The following MOB3B variants were observed in gnomAD, a reference collection of about 807,000 sequenced individuals.
The protein encoded by MOB3B is MOB kinase activator-like 2B.
MOB3B carries 7 observed loss-of-function variants against 18.7 expected under a neutral mutation model. The ratio of observed to expected loss-of-function variants is 0.37; its 90% CI spans 0.21 to 0.70. The LOEUF (loss-of-function observed/expected upper bound fraction) is 0.70. MOB3B is among the 30% of genes least tolerant of loss of function. MOB3B has a pLI of 0.52. For missense variants in MOB3B, 253 were observed against 281.3 expected (o/e 0.90, Z 0.72); for synonymous variants, 111 against 99.9 (o/e 1.11, Z -0.66).
intron 3 of MOB3B, among the ~76,000 whole-genome samples, chr9:27,337,859 G>T (rs1177678949): frequency 6.6e-6 from 1 of 152,204 alleles, no homozygotes. Flanking sequence ...TGGTATTGTG[G>T]TAAGGCATTC....
At chr9:27,360,166 T>C (rs1028853864) in intron 2 of MOB3B, among the ~76,000 whole-genome samples, 3 of 152,278 alleles carry the variant, frequency 2.0e-5, no homozygotes, top group African/African-American at 7.2e-5. Context: ...AAATTGATAA[T>C]GTCCTCCCTT....
At chr9:27,432,699 G>C (rs892766287) in intron 2 of MOB3B, among the ~76,000 whole-genome samples, 4 of 152,104 alleles carry the variant, frequency 2.6e-5, no homozygotes, top group African/African-American at 9.7e-5. Context: ...AATAGTACTG[G>C]AAAAATGCAG....
intron 1 of MOB3B, among the ~76,000 whole-genome samples, chr9:27,463,451 A>G (rs2131458889): frequency 6.6e-6 from 1 of 152,186 alleles, no homozygotes; most frequent in Admixed American, 6.5e-5. Flanking sequence ...AACAAAACAG[A>G]GGAAGTTCTG....
At chr9:27,416,221 T>C (rs1822144684) in intron 2 of MOB3B, among the ~76,000 whole-genome samples, 1 of 152,072 alleles carries the variant, frequency 6.6e-6, no homozygotes, top group Non-Finnish European at 1.5e-5. Flanking sequence ...CCCTTCATGA[T>C]CTCGTAGGAC....
intron 1 of MOB3B, among the ~76,000 whole-genome samples, chr9:27,459,833 C>T (rs906433891): frequency 5.2e-5 from 7 of 133,852 alleles, no homozygotes; most frequent in African/African-American, 2.0e-4. Context: ...AACTGTAGCA[C>T]TAGCAACAAC....
chr9:27,498,853 T>G (rs1819942868), intron 1 of MOB3B, among the ~76,000 whole-genome samples: 1 of 152,218 alleles, frequency 6.6e-6, no homozygotes, highest in African/African-American at 2.4e-5. Flanking sequence ...AATCTGTATT[T>G]TTATAGGTTG....
At chr9:27,431,013 A>ATTT (rs1822409440) in intron 2 of MOB3B, among the ~76,000 whole-genome samples, 1 of 152,058 alleles carries the variant, frequency 6.6e-6, no homozygotes, top group Non-Finnish European at 1.5e-5. Context: ...TAATTTAGAC[A>ATTT]TTTTTTAAAA....
chr9:27,401,246 G>T (rs1029897605), intron 2 of MOB3B, among the ~76,000 whole-genome samples: 1 of 152,132 alleles, frequency 6.6e-6, no homozygotes, highest in South Asian at 2.1e-4. Context: ...CTCCTCATTT[G>T]ACACATAGAT....
At chr9:27,421,948 T>C (rs1389399769) in intron 2 of MOB3B, among the ~76,000 whole-genome samples, 2 of 152,186 alleles carry the variant, frequency 1.3e-5, no homozygotes, top group East Asian at 1.9e-4. Context: ...ATGGCCTGCC[T>C]CTCCTCCCCA....
At chr9:27,451,371 G>C (rs1822779655) in intron 2 of MOB3B, among the ~76,000 whole-genome samples, 1 of 152,164 alleles carries the variant, frequency 6.6e-6, no homozygotes, top group African/African-American at 2.4e-5. Context: ...AGCCAGAAAA[G>C]GTTTCAAGAG....
intron 1 of MOB3B, among the ~76,000 whole-genome samples, chr9:27,498,573 G>A (rs1301115605): frequency 6.6e-6 from 1 of 152,202 alleles, no homozygotes; most frequent in East Asian, 1.9e-4. Flanking sequence ...TTTTGTTCAT[G>A]TGCCTAATCT....
chr9:27,483,091 A>T (rs147723470), intron 1 of MOB3B, among the ~76,000 whole-genome samples: 5 of 151,838 alleles, frequency 3.3e-5, no homozygotes, highest in African/African-American at 1.2e-4. Context: ...GACAATTACC[A>T]AATGTTTAAG....
chr9:27,418,857 A>T (rs186291155), intron 2 of MOB3B, among the ~76,000 whole-genome samples: 1 of 152,322 alleles, frequency 6.6e-6, no homozygotes, highest in East Asian at 1.9e-4. Context: ...GAAGAAGTCA[A>T]ACTGTCACTG....
intron 2 of MOB3B, among the ~76,000 whole-genome samples, chr9:27,398,671 T>C (rs1282416033): frequency 6.6e-6 from 1 of 152,134 alleles, no homozygotes; most frequent in African/African-American, 2.4e-5. Flanking sequence ...ACTGGGTGAG[T>C]GTGGAACCCA....
chr9:27,434,317 A>G (rs972698771), intron 2 of MOB3B, among the ~76,000 whole-genome samples: 1 of 152,060 alleles, frequency 6.6e-6, no homozygotes, highest in Non-Finnish European at 1.5e-5. Flanking sequence ...TCCTCTGCTC[A>G]TGAATACCAG....
intron 3 of MOB3B, among the ~76,000 whole-genome samples, chr9:27,333,157 C>G (rs10812569): frequency 6.6e-6 from 1 of 151,958 alleles, no homozygotes; most frequent in African/African-American, 2.4e-5. Flanking sequence ...GGACAGGGTA[C>G]TTATTCAAGG....
intron 2 of MOB3B, chr9:27,394,150 T>A (rs1336525923): frequency 6.6e-6 from 1 of 152,172 alleles, no homozygotes; most frequent in African/African-American, 2.4e-5. Context: ...TCACTGTATT[T>A]CCTAAAGGAA....
intron 2 of MOB3B, among the ~76,000 whole-genome samples, chr9:27,430,573 G>A (rs543342859): frequency 1.6e-4 from 24 of 152,130 alleles, no homozygotes; most frequent in Non-Finnish European, 3.4e-4. Flanking sequence ...AATATAAAAA[G>A]GTTTGAAACC....
chr9:27,446,430 G>A (rs1014451330), intron 2 of MOB3B, among the ~76,000 whole-genome samples: 3 of 152,314 alleles, frequency 2.0e-5, no homozygotes, highest in Middle Eastern at 3.4e-3. Context: ...TTCTATTAGA[G>A]ACTCCTTCCT....
Sources: allele counts gnomAD v4.1 joint callset (sites outside exome capture counted in the v4.1 genomes callset), GRCh38; gene constraint gnomAD v4.1.1; transcripts MANE v1.5; gene names NCBI Gene and HGNC (gene_info 2026-07-23, HGNC 2026-07-21).